CCDC30: variants seen among roughly 807,000 people sequenced by gnomAD.
CCDC30 encodes coiled-coil domain containing 30.
CCDC30 carries 70 observed loss-of-function variants against 100.2 expected under a neutral mutation model. That is an observed-to-expected ratio of 0.70 (90% CI 0.58 to 0.85). The LOEUF (loss-of-function observed/expected upper bound fraction) is 0.85. CCDC30 is among the 40% of genes least tolerant of loss of function. CCDC30 has a pLI of 0.00. For synonymous variants in CCDC30, 233 were observed against 269.5 expected (o/e 0.86, Z 1.33); for missense variants, 652 against 771.2 (o/e 0.85, Z 1.83).
chr1:42,574,868 A>C (rs1467111695), intron 7 of CCDC30, among the ~76,000 whole-genome samples: 1 of 152,234 alleles, frequency 6.6e-6, no homozygotes, highest in Non-Finnish European at 1.5e-5. Flanking sequence ...ATATTCTAAA[A>C]GCAATTATTG....
chr1:42,562,728 T>A (rs1240786674), intron 6 of CCDC30, among the ~76,000 whole-genome samples: 1 of 152,026 alleles, frequency 6.6e-6, no homozygotes, highest in East Asian at 1.9e-4. Flanking sequence ...GTCTAATATC[T>A]AGAATCTACA....
intron 6 of CCDC30, among the ~76,000 whole-genome samples, chr1:42,499,366 A>G (rs1302487531): frequency 1.3e-5 from 2 of 152,224 alleles, no homozygotes; most frequent in Non-Finnish European, 2.9e-5. Context: ...TCTAATGGCC[A>G]TGAATATGTT....
At chr1:42,625,113 A>G (rs551303624) in intron 11 of CCDC30, among the ~76,000 whole-genome samples, 2 of 151,604 alleles carry the variant, frequency 1.3e-5, no homozygotes, top group African/African-American at 4.8e-5. Context: ...AATCTTTGTT[A>G]TGTTGTATGT....
chr1:42,581,580 A>AT (rs1460573126), intron 9 of CCDC30, 66 bp downstream of exon 13: 4 of 1,437,260 alleles, frequency 2.8e-6, no homozygotes, highest in Non-Finnish European at 3.8e-6. Flanking sequence ...AGCAATATCA[A>AT]TTTTTTCTAA....
intron 1 of CCDC30, chr1:42,473,487 C>T: frequency 2.6e-6 from 1 of 390,186 alleles, no homozygotes; most frequent in Middle Eastern, 6.5e-4. Flanking sequence ...CATTAAGACT[C>T]CATGTATAGG....
intron 6 of CCDC30, among the ~76,000 whole-genome samples, chr1:42,503,245 A>C (rs1279876114): frequency 6.6e-6 from 1 of 152,198 alleles, no homozygotes; most frequent in Admixed American, 6.5e-5. Flanking sequence ...TACACTAAGA[A>C]GATTAAAGAC....
At chr1:42,587,797 C>T (rs555071379) in intron 9 of CCDC30, among the ~76,000 whole-genome samples, 2 of 152,296 alleles carry the variant, frequency 1.3e-5, no homozygotes, top group African/African-American at 4.8e-5. Context: ...CTCCTAAGTC[C>T]AGAGAACCTT....
At chr1:42,578,895 C>T (rs1645900409) in intron 8 of CCDC30, among the ~76,000 whole-genome samples, 1 of 152,194 alleles carries the variant, frequency 6.6e-6, no homozygotes, top group Non-Finnish European at 1.5e-5. Context: ...TTCTTTCCCC[C>T]ACTTTGTATC....
At chr1:42,552,565 T>G (rs566020183) in intron 6 of CCDC30, among the ~76,000 whole-genome samples, 1 of 152,192 alleles carries the variant, frequency 6.6e-6, no homozygotes, top group South Asian at 2.1e-4. Context: ...TCATGGATTT[T>G]CCATTTTTTA....
At chr1:42,586,403 C>T (rs527861141) in intron 9 of CCDC30, among the ~76,000 whole-genome samples, 2 of 152,202 alleles carry the variant, frequency 1.3e-5, no homozygotes, top group East Asian at 3.9e-4. Flanking sequence ...AACTCCTGGG[C>T]TCAGATGATC....
intron 10 of CCDC30, among the ~76,000 whole-genome samples, chr1:42,598,868 C>T (rs1226113252): frequency 6.6e-6 from 1 of 152,000 alleles, no homozygotes; most frequent in Non-Finnish European, 1.5e-5. Context: ...TGAGACCAAC[C>T]TGGGCAACAT....
intron 11 of CCDC30, 86 bp downstream of exon 15, chr1:42,611,176 T>G: frequency 1.4e-6 from 1 of 720,662 alleles, no homozygotes; most frequent in East Asian, 2.9e-5. Flanking sequence ...AATGGTGGGC[T>G]GCTCACTGAA....
Position 42,490,141 on chromosome 1 carries a change from T to G in CCDC30, c.170-17T>G. 2 of 1,001,124 alleles carry G rather than the reference T, an allele frequency of 2.0e-6. No individual in the cohort carries two copies. The highest frequency in any genetic ancestry group is 2.6e-6 in the Non-Finnish European group (2 of 776,436). The allele number at this position is 1,001,124 out of a possible 1,614,324, so 62.0% of individuals were successfully genotyped here. A position where few individuals can be genotyped will look rare whatever the true frequency, so the allele number is the denominator to read the frequency against. On this transcript the variant is annotated splice_polypyrimidine_tract_variant and intron_variant, in intron 3 of 16. Transcript: ENST00000668663. Reference sequence around the variant, plus strand: ...AATCATTTGTTCCTTATACAAATATTTTATTTCTTTTTTTAGATTCTGCAC... The same window carrying G: ...AATCATTTGTTCCTTATACAAATATGTTATTTCTTTTTTTAGATTCTGCAC...
intron 1 of CCDC30, among the ~76,000 whole-genome samples, chr1:42,470,192 TTGAG>T (rs1016536011): frequency 2.6e-5 from 4 of 152,040 alleles, no homozygotes; most frequent in African/African-American, 9.7e-5. Flanking sequence ...ATCTGGTAGT[TTGAG>T]AGAGGATGTA....
At chr1:42,647,486 A>G (rs1377995352) in intron 15 of CCDC30, among the ~76,000 whole-genome samples, 2 of 152,240 alleles carry the variant, frequency 1.3e-5, no homozygotes, top group Non-Finnish European at 2.9e-5. Context: ...ACCTAATAAT[A>G]GTGGGGACTT....
intron 11 of CCDC30, among the ~76,000 whole-genome samples, chr1:42,629,230 T>C (rs558692655): frequency 6.5e-4 from 99 of 152,350 alleles, no homozygotes; most frequent in African/African-American, 2.3e-3. Context: ...GATGAAATCC[T>C]TCAGCTTTGT....
chr1:42,547,828 G>T (rs1645175122), intron 6 of CCDC30, among the ~76,000 whole-genome samples: 1 of 152,124 alleles, frequency 6.6e-6, no homozygotes. Context: ...CTGTAGGGAG[G>T]TACCGAAGAT....
intron 12 of CCDC30, among the ~76,000 whole-genome samples, chr1:42,641,162 A>G (rs1647353970): frequency 6.6e-6 from 1 of 151,564 alleles, no homozygotes; most frequent in Non-Finnish European, 1.5e-5. Context: ...CCCAGGCTAG[A>G]GTGCAGTGGT....
chr1:42,534,032 G>T (rs779093230), intron 6 of CCDC30: 1 of 152,064 alleles, frequency 6.6e-6, no homozygotes, highest in Admixed American at 6.5e-5. Context: ...CCCCTTTCTT[G>T]TGTTTTTCTG....
Sources: allele counts gnomAD v4.1 joint callset (sites outside exome capture counted in the v4.1 genomes callset), GRCh38; gene constraint gnomAD v4.1.1; transcripts MANE v1.5; gene names NCBI Gene and HGNC (gene_info 2026-07-23, HGNC 2026-07-21).